The following ANK2 variants were observed in gnomAD, a reference collection of about 807,000 sequenced individuals.
ANK2 encodes ankyrin-2.
A neutral mutation model predicts 360.5 loss-of-function variants in ANK2; 83 were observed. The observed-to-expected ratio is 0.23, with a 90% CI of 0.19 to 0.28. ANK2 has a LOEUF of 0.28. ANK2 is among the 10% of genes least tolerant of loss of function. The pLI, the probability that ANK2 is intolerant of heterozygous loss-of-function variation, is 1.00. For synonymous variants in ANK2, 1,740 were observed against 1,759.5 expected (o/e 0.99, Z 0.28); for missense variants, 4,201 against 4,795.7 (o/e 0.88, Z 3.66).
intron 17 of ANK2, among the ~76,000 whole-genome samples, chr4:113,278,950 A>G (rs2061249863): frequency 6.6e-6 from 1 of 152,060 alleles, no homozygotes; most frequent in Non-Finnish European, 1.5e-5. Context: ...TTCCGACTTC[A>G]AACTTCTATT....
chr4:112,848,034 GA>G lies in ANK2; in HGVS notation c.-40+29771del, dbSNP rs1163085036. 2.0e-5 allele frequency among the ~76,000 whole-genome samples: 3 copies of G among 152,328 alleles called. No homozygotes were observed. In the South Asian group the frequency reaches 6.2e-4, roughly 32 times the overall value. On this transcript the variant is annotated intron_variant, in intron 1 of 30. Coordinates refer to the ANK2 transcript ENST00000503271. ...TGAGCACAGAATGACTCACCTGAAA[GA>G]GCATGCGATTTGGAGCGAGGCAGAC...
At chr4:113,083,236 T>A (rs1246115669) in intron 1 of ANK2, among the ~76,000 whole-genome samples, 2 of 152,188 alleles carry the variant, frequency 1.3e-5, no homozygotes, top group Non-Finnish European at 2.9e-5. Flanking sequence ...TGGAGTGCAG[T>A]GATGCAATCA....
chr4:113,355,238 A>T lies in ANK2; in HGVS notation c.6620A>T (p.Asn2207Ile). Residue 2207 changes from asparagine to isoleucine, a missense_variant, in exon 38 of 46, where the codon AAT becomes ATT. This residue lies in a region of ANK2 where 2,642 missense variants were observed against 2,714.5 expected (regional missense o/e 0.97). Transcript: ENST00000357077. ...ALDGSSESLK[N>I]EGVAGSPCGS... ...GATGGCAGTTCTGAAAGCCTAAAGA[A>T]TGAGGGGGTAGCCGGCTCTCCGTGT... The T allele has an allele frequency of 6.2e-7, 1 of 1,614,112 alleles. No individual in the cohort carries two copies. Among genetic ancestry groups the T allele is most frequent in the Non-Finnish European group, 8.5e-7 (1 of 1,179,970 alleles).
intron 6 of ANK2, 125 bp downstream of exon 6, chr4:113,237,297 T>C (rs1223700519): frequency 8.3e-7 from 1 of 1,208,652 alleles, no homozygotes; most frequent in Non-Finnish European, 1.2e-6. Flanking sequence ...AAGAGATAAA[T>C]GACTTTCAGA....
intron 2 of ANK2, among the ~76,000 whole-genome samples, chr4:113,194,498 C>T (rs2098719695): frequency 6.6e-6 from 1 of 152,080 alleles, no homozygotes; most frequent in Non-Finnish European, 1.5e-5. Flanking sequence ...TGATTATGAA[C>T]AAAATGTTAA....
chr4:113,209,427 C>T (rs2098994911), intron 4 of ANK2, among the ~76,000 whole-genome samples: 1 of 151,922 alleles, frequency 6.6e-6, no homozygotes, highest in Non-Finnish European at 1.5e-5. Flanking sequence ...GACAGCTTTG[C>T]AGGGCTACTT....
At chr4:113,345,210 C>G (rs1021345663) in intron 34 of ANK2, among the ~76,000 whole-genome samples, 1 of 152,072 alleles carries the variant, frequency 6.6e-6, no homozygotes, top group Non-Finnish European at 1.5e-5. Context: ...CTATATGGTT[C>G]CTCCATTTCT....
intron 20 of ANK2, among the ~76,000 whole-genome samples, chr4:113,289,278 C>A (rs964219740): frequency 6.1e-5 from 9 of 148,402 alleles, no homozygotes; most frequent in Non-Finnish European, 1.2e-4. Context: ...AGCAATGGCA[C>A]GATCAGAGCT....
chr4:112,844,711 T>C (rs2149845161), intron 1 of ANK2, among the ~76,000 whole-genome samples: 1 of 152,308 alleles, frequency 6.6e-6, no homozygotes, highest in South Asian at 2.1e-4. Context: ...GCCTAGTTCT[T>C]AAAAATATTT....
chr4:112,720,799 A>G, the ANK2 span, among the ~76,000 whole-genome samples: 1 of 152,238 alleles, frequency 6.6e-6, no homozygotes, highest in African/African-American at 2.4e-5. Flanking sequence ...TATAACTCAA[A>G]TATTTCTTGC....
intron 9 of ANK2, among the ~76,000 whole-genome samples, chr4:113,249,285 G>C (rs938044011): frequency 6.6e-6 from 1 of 152,188 alleles, no homozygotes. Context: ...CAATTCAAAA[G>C]AGAACATATG....
At chr4:112,930,390 G>A (rs2093065248) in intron 2 of ANK2, among the ~76,000 whole-genome samples, 1 of 151,720 alleles carries the variant, frequency 6.6e-6, no homozygotes, top group South Asian at 2.1e-4. Flanking sequence ...TCAAGGCTAT[G>A]GTGAGCTGAG....
At chr4:112,785,060 A>T in the ANK2 span, among the ~76,000 whole-genome samples, 12 of 152,218 alleles carry the variant, frequency 7.9e-5, no homozygotes, top group Admixed American at 2.0e-4. Flanking sequence ...ATAATATATT[A>T]TAGCAAGTCA....
chr4:113,302,319 A>T (rs2075399344), intron 22 of ANK2, among the ~76,000 whole-genome samples: 1 of 152,218 alleles, frequency 6.6e-6, no homozygotes, highest in African/African-American at 2.4e-5. Flanking sequence ...TTCTGCCCAA[A>T]TAGTTTATAT....
chr4:112,937,304 T>G (rs1008795629), intron 2 of ANK2, among the ~76,000 whole-genome samples: 1 of 151,132 alleles, frequency 6.6e-6, no homozygotes, highest in East Asian at 1.9e-4. Context: ...GTATAGAATT[T>G]CTTTGTAAAA....
At chr4:113,188,027 C>G (rs10488905) in intron 2 of ANK2, among the ~76,000 whole-genome samples, 24,033 of 152,092 alleles carry the variant, frequency 0.16, 1,937 homozygotes, top group East Asian at 0.26. Context: ...TCACAACATA[C>G]TTCTCTACTT....
intron 10 of ANK2, 130 bp from the exon 11 acceptor site, chr4:113,255,605 G>A: frequency 1.1e-6 from 1 of 876,400 alleles, no homozygotes; most frequent in Admixed American, 2.2e-5. Context: ...ATATTCTGAT[G>A]TCAAATGGAA....
At chr4:113,340,158 T>A (rs919912258) in intron 32 of ANK2, among the ~76,000 whole-genome samples, 3 of 152,102 alleles carry the variant, frequency 2.0e-5, no homozygotes, top group African/African-American at 7.2e-5. Flanking sequence ...TATACTGTAA[T>A]CCAGAAGATG....
intron 1 of ANK2, among the ~76,000 whole-genome samples, chr4:113,060,012 A>G (rs575729912): frequency 1.3e-5 from 2 of 152,104 alleles, no homozygotes; most frequent in Admixed American, 6.6e-5. Flanking sequence ...TGCACACCCA[A>G]CTACGTTACC....
Sources: allele counts gnomAD v4.1 joint callset (sites outside exome capture counted in the v4.1 genomes callset), GRCh38; gene constraint gnomAD v4.1.1; regional missense constraint gnomAD v4.1.1; transcripts MANE v1.5; gene names NCBI Gene and HGNC (gene_info 2026-07-23, HGNC 2026-07-21).